Variants in CPD observed in about 807,000 individuals in gnomAD.
CPD encodes carboxypeptidase D.
Under a neutral mutation model 138.3 loss-of-function variants are expected in CPD, and 69 were observed. The observed-to-expected ratio is 0.50, with a 90% CI of 0.41 to 0.61. The LOEUF (loss-of-function observed/expected upper bound fraction) is 0.61, where lower values mean the gene tolerates loss of function less well. Among genes scored for constraint, CPD ranks in the 20% least tolerant of loss-of-function variants. The pLI is 0.00. For synonymous variants in CPD, 651 were observed against 642.1 expected, an observed-to-expected ratio of 1.01 and a Z score of -0.21; for missense variants, 1,432 against 1,733.3, an observed-to-expected ratio of 0.83 and a Z score of 3.09.
In CPD at chr17:30,466,983, C is replaced by T. The variant is rs1356588022; in HGVS notation, c.*2169C>T. The T allele has an allele frequency of 6.6e-6, 1 of 152,514 alleles. No individual in the cohort carries two copies. The highest frequency in any genetic ancestry group is 1.5e-5 in the Non-Finnish European group (1 of 68,006). The allele number at this position is 152,514 out of a possible 1,614,324, so 9.4% of individuals were successfully genotyped here. On this transcript the variant is annotated 3_prime_UTR_variant, in exon 21 of 21. Transcript: ENST00000225719. ...TTAAATAATGCATTTAGCTGGAAAA[C>T]AAGACTTTCCCAGCTTGTATTACCT...
At chr17:30,449,080 C>G (rs896127419) in intron 12 of CPD, among the ~76,000 whole-genome samples, 1 of 151,940 alleles carries the variant, frequency 6.6e-6, no homozygotes, top group Non-Finnish European at 1.5e-5. Context: ...TGCATTCCAG[C>G]TTGGGTGACA....
intron 2 of CPD, among the ~76,000 whole-genome samples, chr17:30,410,209 G>C (rs1469669375): frequency 6.6e-6 from 1 of 152,172 alleles, no homozygotes; most frequent in Non-Finnish European, 1.5e-5. Context: ...TGATTGTACT[G>C]TGGCCCGAGA....
intron 1 of CPD, among the ~76,000 whole-genome samples, chr17:30,381,409 T>C (rs898666825): frequency 6.6e-6 from 1 of 152,220 alleles, no homozygotes; most frequent in Non-Finnish European, 1.5e-5. Flanking sequence ...AATATGAAAA[T>C]AAGCTTTTTC....
rs77379543 is a variant in CPD at position 30,445,842 on chromosome 17, A to G, written c.2695A>G (p.Thr899Ala). ...SSTNDASDPT[T>A]KEFETLIKDL... is the part of the protein sequence containing the mutation. The stretch of plus-strand genomic sequence containing the variant: ...CACCAATGATGCCAGTGATCCAACT[A>G]CTAAAGAGTTTGAAACTTTAATTAA... The change falls in exon 12 of 21, where the codon ACT becomes GCT. Residue 899 changes from threonine to alanine, a missense_variant. Thr to Ala is a moderately conservative substitution (Grantham distance 58). Transcript: ENST00000225719. 4 of 1,614,024 alleles carry G rather than the reference A, an allele frequency of 2.5e-6. No individual in the cohort carries two copies. The Admixed American group carries it at 5.0e-5, about 20-fold the overall frequency.
At chr17:30,430,564 T>C (rs928761722) in intron 7 of CPD, among the ~76,000 whole-genome samples, 1 of 152,212 alleles carries the variant, frequency 6.6e-6, no homozygotes, top group Non-Finnish European at 1.5e-5. Context: ...GATGGACATT[T>C]GGGTTGTTTT....
intron 7 of CPD, among the ~76,000 whole-genome samples, chr17:30,428,111 C>G (rs978959985): frequency 6.6e-6 from 1 of 152,134 alleles, no homozygotes; most frequent in African/African-American, 2.4e-5. Flanking sequence ...TTTTGATATT[C>G]TCTTTTTTAC....
At position 30,379,400 on chromosome 17, in the gene CPD, C is replaced by T; in HGVS notation, c.420C>T (p.Gly140=). Residue 140 remains glycine, a synonymous_variant, in exon 1 of 21, where the codon GGC becomes GGT. Coordinates refer to ENST00000225719, the MANE Select transcript of CPD (RefSeq NM_001304.5). This position sits in a 1 kb window ranked among gnomAD's most constrained non-coding sequence, Gnocchi z 7.0. Reference sequence around the variant, plus strand: ...TGAAGCTGGTGGGCAACATGCATGGCGACGAGACCGTGTCGCGCCAGGTGT... The same window carrying T: ...TGAAGCTGGTGGGCAACATGCATGGTGACGAGACCGTGTCGCGCCAGGTGT... ...PQVKLVGNMH[G]DETVSRQVLI... 6.5e-7 allele frequency: 1 copy of T among 1,546,302 alleles called. No individual in the cohort carries two copies.
At chr17:30,391,324 G>A (rs77536265) in intron 2 of CPD, among the ~76,000 whole-genome samples, 4,184 of 152,130 alleles carry the variant, frequency 0.028, 92 homozygotes, top group Middle Eastern at 0.051. Flanking sequence ...GCTTGTAGTC[G>A]CAGATACTTG....
At chr17:30,407,393 T>G (rs920800764) in intron 2 of CPD, among the ~76,000 whole-genome samples, 1 of 152,250 alleles carries the variant, frequency 6.6e-6, no homozygotes, top group African/African-American at 2.4e-5. Flanking sequence ...ATCGCCACAC[T>G]GACTTCCACA....
At chr17:30,439,394 CTTTTTT>C (rs71138889) in intron 9 of CPD, among the ~76,000 whole-genome samples, 4 of 124,672 alleles carry the variant, frequency 3.2e-5, no homozygotes, top group Non-Finnish European at 6.6e-5. Context: ...ACGTTACTTT[CTTTTTT>C]TTTTTTTCTT....
rs989760481 is a variant in CPD at position 30,379,897 on chromosome 17, C to G, written c.746+171C>G. 1.3e-5 allele frequency among the ~76,000 whole-genome samples: 2 copies of G among 152,214 alleles called. No homozygotes were observed. The highest frequency in any genetic ancestry group is 4.1e-4 in the South Asian group (2 of 4,836). ...CCAGGCCGCGTAGCCTCCCGTCCTGCTAATCATCAAAGAATTGCCTCCTAG... is the reference window on the plus strand; with the variant it reads ...CCAGGCCGCGTAGCCTCCCGTCCTGGTAATCATCAAAGAATTGCCTCCTAG... On this transcript the variant is annotated intron_variant, in intron 1 of 20. Transcript: ENST00000225719. This position sits in a 1 kb window ranked among gnomAD's most constrained non-coding sequence, Gnocchi z 7.0.
rs1027946255 is a variant in CPD, at chr17:30,422,838, C to T, written c.1472C>T (p.Ser491Phe). ...AIPNILSGTS[S>F]SYQPIQPKDF... Reference sequence around the variant, plus strand: ...CCTAATATTCTTTCTGGAACATCATCCTCCTACCAGCCAATTCAGCCAAAG... The same window carrying T: ...CCTAATATTCTTTCTGGAACATCATTCTCCTACCAGCCAATTCAGCCAAAG... Residue 491 changes from serine (S) to phenylalanine (F), a missense_variant, in exon 5 of 21, where the codon TCC (serine) becomes TTC (phenylalanine). By Grantham distance (155) the Ser-to-Phe change is radical (BLOSUM62 -2). This residue lies in a region of CPD where 160 missense variants were observed against 197.9 expected (regional missense o/e 0.81). Transcript: ENST00000225719. The T allele has an allele frequency of 3.7e-6, 6 of 1,613,920 alleles. No homozygotes were observed. In the African/African-American group the frequency reaches 8.0e-5, roughly 22 times the overall value.
At position 30,452,231 on chromosome 17, in the gene CPD, A is replaced by G. The variant is rs149608007; in HGVS notation, c.3205+385A>G. On this transcript the variant is annotated intron_variant, in intron 14 of 20. Transcript: ENST00000225719. ...ATGGGACCTTTTTCATTGAATATGT[A>G]TCATTGACATGGTTCAATTTCAGTA... is the stretch of plus-strand genomic sequence containing the variant. 1.4e-3 allele frequency among the ~76,000 whole-genome samples: 209 copies of G among 151,584 alleles called. 2 individuals are homozygous for G. The highest frequency in any genetic ancestry group is 4.2e-3 in the African/African-American group (174 of 41,350).
chr17:30,402,455 A>G (rs1156688380), intron 2 of CPD, among the ~76,000 whole-genome samples: 1 of 152,156 alleles, frequency 6.6e-6, no homozygotes, highest in East Asian at 1.9e-4. Flanking sequence ...AATCCCAGCT[A>G]CTCAGAAGGC....
intron 15 of CPD, 142 bp from the exon 16 acceptor site, chr17:30,456,114 A>T: frequency 1.6e-6 from 1 of 623,838 alleles, no homozygotes; most frequent in Admixed American, 3.0e-5. Flanking sequence ...AAAACCTTTT[A>T]GGGTTAATTA....
At chr17:30,432,527 A>G (rs1400828597) in intron 8 of CPD, among the ~76,000 whole-genome samples, 2 of 152,154 alleles carry the variant, frequency 1.3e-5, no homozygotes, top group East Asian at 3.8e-4. Flanking sequence ...AAATTTCTGT[A>G]TTTTCCAAAC....
intron 2 of CPD, 27 bp downstream of exon 2, chr17:30,385,263 TTTTCCCCCTTG>T (rs1360081930): frequency 6.2e-7 from 1 of 1,609,400 alleles, no homozygotes; most frequent in Non-Finnish European, 8.5e-7. Context: ...GTTTGCTACA[TTTTCCCCCTTG>T]TTCGTTGAAT....
Position 30,468,122 on chromosome 17 carries a change from C to T in CPD, c.*3308C>T, listed in dbSNP as rs549613444. 2.4e-4 allele frequency: 36 copies of T among 152,508 alleles called. No individual in the cohort carries two copies. Among genetic ancestry groups the T allele is most frequent in the African/African-American group, 7.2e-4 (30 of 41,506 alleles). 9.4% of individuals were successfully genotyped at this position (152,508 alleles called of 1,614,324 possible). A position where few individuals can be genotyped will look rare whatever the true frequency, so the allele number is the denominator to read the frequency against. On this transcript the variant is annotated 3_prime_UTR_variant, in exon 21 of 21. Coordinates refer to ENST00000225719, the MANE Select transcript of CPD (RefSeq NM_001304.5). ...TTCATGAAGAAATCTCTCCCAATACCCATTTATCCTATTTTTAGCAATAAT... is the reference window on the plus strand; with the variant it reads ...TTCATGAAGAAATCTCTCCCAATACTCATTTATCCTATTTTTAGCAATAAT...
intron 15 of CPD, 67 bp from the exon 16 acceptor site, chr17:30,456,189 A>G (rs1230508576): frequency 2.4e-5 from 29 of 1,227,140 alleles, no homozygotes; most frequent in Non-Finnish European, 3.1e-5. Flanking sequence ...TGTATCCATG[A>G]AGGTTAACTT....
Sources: allele counts gnomAD v4.1 joint callset (sites outside exome capture counted in the v4.1 genomes callset), GRCh38; gene constraint gnomAD v4.1.1; regional missense constraint gnomAD v4.1.1; non-coding constraint Gnocchi (gnomAD v3.1); transcripts MANE v1.5; gene names NCBI Gene and HGNC (gene_info 2026-07-23, HGNC 2026-07-21).